LRRC1: variants seen among roughly 807,000 people sequenced by gnomAD.
LRRC1 encodes the protein leucine rich repeat containing 1.
LRRC1 carries 28 observed loss-of-function variants against 69.9 expected under a neutral mutation model. The observed-to-expected ratio is 0.40, with a 90% CI of 0.30 to 0.55. The LOEUF is 0.55. Ranked by LOEUF, LRRC1 falls within the 20% of genes least tolerant of loss-of-function variation. The pLI is 0.47. For synonymous variants in LRRC1, 236 were observed against 240.2 expected (o/e 0.98, Z 0.16); for missense variants, 498 against 609.0 (o/e 0.82, Z 1.92).
chr6:53,919,429 T>C (rs895426863), intron 11 of LRRC1, 69 bp from the exon 12 acceptor site: 34 of 1,232,858 alleles, frequency 2.8e-5, no homozygotes, highest in Non-Finnish European at 3.7e-5. Flanking sequence ...ATTTTGTTGA[T>C]AGGGATTGAT....
chr6:53,798,790 C>T (rs1378839161), intron 1 of LRRC1, among the ~76,000 whole-genome samples: 1 of 152,238 alleles, frequency 6.6e-6, no homozygotes, highest in Non-Finnish European at 1.5e-5. Context: ...AAATCTTCCT[C>T]CCTCTGCTTC....
chr6:53,887,002 C>T (rs1030112924), intron 4 of LRRC1, among the ~76,000 whole-genome samples: 9 of 152,184 alleles, frequency 5.9e-5, no homozygotes, highest in Non-Finnish European at 1.0e-4. Context: ...AACAAATACA[C>T]GTGACAAGGT....
At chr6:53,856,977 C>T (rs775118164) in intron 2 of LRRC1, among the ~76,000 whole-genome samples, 46 of 152,146 alleles carry the variant, frequency 3.0e-4, no homozygotes, top group Non-Finnish European at 4.4e-4. Context: ...CTTCCCACCA[C>T]AGGTAAGATG....
intron 1 of LRRC1, among the ~76,000 whole-genome samples, chr6:53,821,119 T>C (rs1283855012): frequency 3.9e-5 from 6 of 152,236 alleles, no homozygotes; most frequent in Non-Finnish European, 5.9e-5. Flanking sequence ...CCTTTATGCC[T>C]ATTGTAATAT....
chr6:53,843,955 A>C (rs1228802835), intron 2 of LRRC1, among the ~76,000 whole-genome samples: 1 of 152,170 alleles, frequency 6.6e-6, no homozygotes, highest in East Asian at 1.9e-4. Context: ...TGCCAATCAT[A>C]AGACATAGGG....
At chr6:53,832,391 A>C (rs1167494040) in intron 1 of LRRC1, among the ~76,000 whole-genome samples, 1 of 152,204 alleles carries the variant, frequency 6.6e-6, no homozygotes, top group East Asian at 1.9e-4. Context: ...CATAGTATGT[A>C]TGTGGTGCTT....
chr6:53,868,467 C>T (rs1205351383), intron 2 of LRRC1, among the ~76,000 whole-genome samples: 1 of 152,182 alleles, frequency 6.6e-6, no homozygotes, highest in Non-Finnish European at 1.5e-5. Context: ...CTCAAGTGAT[C>T]TGCCTGCCTT....
intron 2 of LRRC1, among the ~76,000 whole-genome samples, chr6:53,878,776 G>T (rs977203031): frequency 1.3e-5 from 2 of 152,108 alleles, no homozygotes; most frequent in Admixed American, 6.5e-5. Context: ...TCAGAGATTT[G>T]ATGTTTTTAT....
chr6:53,897,231 G>T, intron 6 of LRRC1, 54 bp from the exon 7 acceptor site: 2 of 1,201,408 alleles, frequency 1.7e-6, no homozygotes, highest in South Asian at 1.3e-5. Flanking sequence ...CTTTCTTCAG[G>T]GAAGACTGAA....
chr6:53,810,709 A>G (rs1258312767), intron 1 of LRRC1, among the ~76,000 whole-genome samples: 1 of 152,230 alleles, frequency 6.6e-6, no homozygotes, highest in Non-Finnish European at 1.5e-5. Context: ...AAAAACATAC[A>G]TAAATAGGGT....
Position 53,909,565 on chromosome 6 carries a change from A to G in LRRC1, c.991-4289A>G, listed in dbSNP as rs78525131. On this transcript the variant is annotated intron_variant, in intron 10 of 13. Coordinates refer to ENST00000370888, the MANE Select transcript of LRRC1 (RefSeq NM_018214.5). ...TGTGCTTTCCTGTGCATGTATGTTT[A>G]GTTTTTATTTTTCTAATCAATGTAA... 5.0e-3 allele frequency among the ~76,000 whole-genome samples: 764 copies of G among 152,012 alleles called. 12 individuals carry two copies. The highest frequency in any genetic ancestry group is 0.04 in the East Asian group (207 of 5,170).
At chr6:53,880,155 T>G (rs1193891241) in intron 3 of LRRC1, among the ~76,000 whole-genome samples, 2 of 152,232 alleles carry the variant, frequency 1.3e-5, no homozygotes, top group Non-Finnish European at 2.9e-5. Context: ...CACTATTTAG[T>G]TTTATTTTTC....
At chr6:53,891,519 T>TA (rs1389586113) in intron 4 of LRRC1, among the ~76,000 whole-genome samples, 2,821 of 135,858 alleles carry the variant, frequency 0.021, 84 homozygotes, top group African/African-American at 0.067. Context: ...ACCTTTCTTG[T>TA]AAAAAAAAAA....
intron 9 of LRRC1, 51 bp downstream of exon 9, chr6:53,902,798 C>T (rs764336853): frequency 8.4e-7 from 1 of 1,186,612 alleles, no homozygotes; most frequent in Non-Finnish European, 1.2e-6. Context: ...GTAGATTCTA[C>T]TTAATTTGTA....
At chr6:53,838,569 G>A (rs1240374897) in intron 1 of LRRC1, among the ~76,000 whole-genome samples, 2 of 152,292 alleles carry the variant, frequency 1.3e-5, no homozygotes, top group East Asian at 3.9e-4. Context: ...AGAAAACAAA[G>A]TGAGCTTTTC....
intron 2 of LRRC1, among the ~76,000 whole-genome samples, chr6:53,858,995 A>G (rs905815506): frequency 1.3e-5 from 2 of 152,228 alleles, no homozygotes; most frequent in Non-Finnish European, 2.9e-5. Context: ...TATTACTTCT[A>G]TACAGTCTAG....
At chr6:53,846,755 A>G (rs1284404729) in intron 2 of LRRC1, among the ~76,000 whole-genome samples, 2 of 152,194 alleles carry the variant, frequency 1.3e-5, no homozygotes, top group African/African-American at 4.8e-5. Context: ...AAGTTCTGCA[A>G]CAGTTTTCTG....
chr6:53,796,709 T>C (rs150490509), intron 1 of LRRC1, among the ~76,000 whole-genome samples: 114 of 152,326 alleles, frequency 7.5e-4, no homozygotes, highest in African/African-American at 2.6e-3. Flanking sequence ...TGTGTAATCA[T>C]GGAGATTATC....
At chr6:53,814,169 G>A (rs1764882207) in intron 1 of LRRC1, among the ~76,000 whole-genome samples, 1 of 152,154 alleles carries the variant, frequency 6.6e-6, no homozygotes, top group Non-Finnish European at 1.5e-5. Flanking sequence ...CTAAAGTAAT[G>A]TGTAGGTCAA....
Sources: allele counts gnomAD v4.1 joint callset (sites outside exome capture counted in the v4.1 genomes callset), GRCh38; gene constraint gnomAD v4.1.1; transcripts MANE v1.5; gene names NCBI Gene and HGNC (gene_info 2026-07-23, HGNC 2026-07-21).